LRP6: variants seen among roughly 807,000 people sequenced by gnomAD.
The protein encoded by LRP6 is low-density lipoprotein receptor-related protein 6.
A neutral mutation model predicts 184.1 loss-of-function variants in LRP6; 43 were observed. That is an observed-to-expected ratio of 0.23 (90% CI 0.18 to 0.30). LRP6 has a LOEUF of 0.30. Ranked by LOEUF, LRP6 falls within the 10% of genes least tolerant of loss-of-function variation. The pLI is 1.00. For missense variants in LRP6, 1,571 were observed against 2,005.3 expected (o/e 0.78, Z 4.14); for synonymous variants, 719 against 684.9 (o/e 1.05, Z -0.78).
chr12:12,140,605 C>CT (rs145009698), intron 15 of LRP6, among the ~76,000 whole-genome samples: 97 of 137,992 alleles, frequency 7.0e-4, no homozygotes, highest in African/African-American at 1.8e-3. Flanking sequence ...TTTTAAAAAT[C>CT]TTTTTTTTTT....
chr12:12,257,779 C>CAAAAAAAAAA lies in LRP6; in HGVS notation c.55+8892_55+8901dup, dbSNP rs1163180718. Reference sequence around the variant, plus strand: ...GCAACATAGTAAGACCCTGTCTCTACAAAAAAAAAAAAAAAAAAAAAAAAA... The same window carrying CAAAAAAAAAA: ...GCAACATAGTAAGACCCTGTCTCTACAAAAAAAAAAAAAAAAAAAAAAAAAAAAAAAAAAA... On this transcript the variant is annotated intron_variant, in intron 1 of 22. Coordinates refer to ENST00000261349, the MANE Select transcript of LRP6 (RefSeq NM_002336.3). Among the ~76,000 whole-genome samples the CAAAAAAAAAA allele has an allele frequency of 2.1e-3, 75 of 35,310 alleles. 1 individual carries two copies. Among genetic ancestry groups the CAAAAAAAAAA allele is most frequent in the Non-Finnish European group, 2.4e-3 (50 of 20,878 alleles). 23.2% of individuals were successfully genotyped at this position (35,310 alleles called of 152,430 possible).
At chr12:12,147,315 GA>G in intron 15 of LRP6, 50 bp downstream of exon 15, 2 of 1,574,708 alleles carry the variant, frequency 1.3e-6, no homozygotes, top group Non-Finnish European at 1.7e-6. Flanking sequence ...CACAATAGAT[GA>G]ATCATCTTAA....
chr12:12,146,476 T>C (rs886158432), intron 15 of LRP6, among the ~76,000 whole-genome samples: 7 of 152,134 alleles, frequency 4.6e-5, no homozygotes, highest in East Asian at 1.9e-4. Context: ...ACATCAGAAA[T>C]TGGGGACAGA....
intron 2 of LRP6, among the ~76,000 whole-genome samples, chr12:12,218,002 C>T (rs1052211659): frequency 7.2e-5 from 11 of 151,934 alleles, no homozygotes; most frequent in Admixed American, 6.6e-5. Context: ...AAACCACAAG[C>T]AACAAAAGAA....
At chr12:12,200,924 C>T (rs1272627933) in intron 3 of LRP6, among the ~76,000 whole-genome samples, 2 of 152,046 alleles carry the variant, frequency 1.3e-5, no homozygotes, top group Admixed American at 1.3e-4. Context: ...TTCTGGGGTG[C>T]TTTTATTTAT....
chr12:12,255,122 A>C (rs947696040), intron 1 of LRP6, among the ~76,000 whole-genome samples: 1 of 152,164 alleles, frequency 6.6e-6, no homozygotes, highest in Non-Finnish European at 1.5e-5. Flanking sequence ...ATTTTGTTTT[A>C]AACAACAGGG....
At chr12:12,131,087 AT>A (rs200515661) in intron 18 of LRP6, among the ~76,000 whole-genome samples, 194 bp from the exon 19 acceptor site, 259 of 147,836 alleles carry the variant, frequency 1.8e-3, no homozygotes, top group East Asian at 9.5e-3. Flanking sequence ...CCAGCAGGAA[AT>A]TTCCTAACAT....
In LRP6 at chr12:12,120,958, C is replaced by A; in HGVS notation, c.*168G>T. 2 of 518,006 alleles carry A rather than the reference C, an allele frequency of 3.9e-6. No homozygotes were observed. Among genetic ancestry groups the A allele is most frequent in the Non-Finnish European group, 3.3e-6 (1 of 305,206 alleles). The allele number at this position is 518,006 out of a possible 1,614,324, so 32.1% of individuals were successfully genotyped here. ...TGTTTTAAGAAAATATATAAATATCCTTTTCTTCTGTACAAATATCTCCAG... is the reference window on the plus strand; with the variant it reads ...TGTTTTAAGAAAATATATAAATATCATTTTCTTCTGTACAAATATCTCCAG... On this transcript the variant is annotated 3_prime_UTR_variant, in exon 23 of 23. Transcript: ENST00000261349.
In LRP6 at chr12:12,145,310, T is replaced by C. The variant is rs187754543; in HGVS notation, c.3397+2056A>G. ...GAGAATACATAATGGAAGGGAGGCA[T>C]TTGAACCTGAAGACATTAAAAAAAA... is the stretch of plus-strand genomic sequence containing the variant. On this transcript the variant is annotated intron_variant, in intron 15 of 22. Coordinates refer to ENST00000261349, the MANE Select transcript of LRP6 (RefSeq NM_002336.3). Among the ~76,000 whole-genome samples, 587 of 151,858 alleles carry C rather than the reference T, an allele frequency of 3.9e-3. 3 individuals carry two copies. Among genetic ancestry groups the C allele is most frequent in the Non-Finnish European group, 6.6e-3 (448 of 67,912 alleles).
intron 3 of LRP6, among the ~76,000 whole-genome samples, chr12:12,199,964 CAAAAAAAAAAAAAAAAAA>C (rs146224493): frequency 2.0e-4 from 9 of 45,202 alleles, no homozygotes; most frequent in East Asian, 8.3e-4. Context: ...GACTCCATCT[CAAAAAAAAAAAAAAAAAA>C]AAAAAAAAAA....
chr12:12,147,001 A>G (rs1950018108), intron 15 of LRP6, among the ~76,000 whole-genome samples: 1 of 152,122 alleles, frequency 6.6e-6, no homozygotes, highest in Admixed American at 6.5e-5. Flanking sequence ...AAATAGAAAA[A>G]ATTAGCTGGG....
chr12:12,150,796 T>C (rs1950071000), intron 13 of LRP6, 40 bp downstream of exon 13: 2 of 1,602,346 alleles, frequency 1.2e-6, no homozygotes, highest in Non-Finnish European at 8.5e-7. Flanking sequence ...GTCCAGTTAT[T>C]AGTCAGGAGA....
Position 12,162,393 on chromosome 12 carries a change from G to A in LRP6, c.2079C>T (p.Gly693=). Reference sequence around the variant, plus strand: ...ATTCTACCACATGTTCCAGTGCACTGCCATTCATAAAGGCTCTGCTGATGG... The same window carrying A: ...ATTCTACCACATGTTCCAGTGCACTACCATTCATAAAGGCTCTGCTGATGG... ...LKTISRAFMN[G]SALEHVVEFG... is the part of the protein sequence containing the mutation. The change falls in exon 10 of 23, where the codon GGC becomes GGT. Residue 693 remains glycine (G), a synonymous_variant. Transcript: ENST00000261349. 2 of 1,614,078 alleles carry A rather than the reference G, an allele frequency of 1.2e-6. No individual in the cohort carries two copies. The highest frequency in any genetic ancestry group is 1.7e-6 in the Non-Finnish European group (2 of 1,179,954).
intron 2 of LRP6, among the ~76,000 whole-genome samples, chr12:12,227,752 A>T (rs2135884312): frequency 6.6e-6 from 1 of 152,294 alleles, no homozygotes; most frequent in East Asian, 1.9e-4. Flanking sequence ...GTTTGTTCAA[A>T]ATAGTAACAG....
chr12:12,213,774 TGTAAC>T (rs1394370507), intron 2 of LRP6, among the ~76,000 whole-genome samples: 2 of 152,052 alleles, frequency 1.3e-5, no homozygotes, highest in African/African-American at 4.8e-5. Context: ...CGTTACAAAT[TGTAAC>T]GTACAGTATT....
In LRP6 at chr12:12,125,356, G is replaced by A. The variant is rs145926249; in HGVS notation, c.4389C>T (p.Ala1463=). ...GGSSGPPYDR[A]HVTGASSSSS... ...TACTTGATGATGCTCCTGTAACATG[G>A]GCTCGGTCATAGGGGGGTCCACTGC... The change falls in exon 21 of 23, where the codon GCC becomes GCT. Residue 1463 remains alanine (A), a synonymous_variant. Coordinates refer to ENST00000261349, the MANE Select transcript of LRP6 (RefSeq NM_002336.3). 25 of 1,613,968 alleles carry A rather than the reference G, an allele frequency of 1.5e-5. No homozygotes were observed. The highest frequency in any genetic ancestry group is 3.3e-4 in the Middle Eastern group (2 of 6,062).
chr12:12,146,880 C>T (rs1353847300), intron 15 of LRP6, among the ~76,000 whole-genome samples: 3 of 152,186 alleles, frequency 2.0e-5, no homozygotes, highest in Non-Finnish European at 4.4e-5. Context: ...ACGCCGGGCG[C>T]GGTGGCTTAC....
chr12:12,249,787 C>T (rs975086571), intron 1 of LRP6, among the ~76,000 whole-genome samples: 3 of 152,064 alleles, frequency 2.0e-5, no homozygotes, highest in African/African-American at 7.2e-5. Flanking sequence ...CAGCTAATTC[C>T]CAAAACATCA....
chr12:12,133,853 G>A (rs369780633), intron 17 of LRP6, among the ~76,000 whole-genome samples: 2 of 104,184 alleles, frequency 1.9e-5, no homozygotes, highest in Admixed American at 1.9e-4. Context: ...TTTGGGGGGG[G>A]GGGGGGGGGA....
Sources: allele counts gnomAD v4.1 joint callset (sites outside exome capture counted in the v4.1 genomes callset), GRCh38; gene constraint gnomAD v4.1.1; transcripts MANE v1.5; gene names NCBI Gene and HGNC (gene_info 2026-07-23, HGNC 2026-07-21).